Variants in SGCD observed in about 807,000 individuals in gnomAD.
SGCD encodes the protein delta-sarcoglycan.
In SGCD, 18 loss-of-function variants were observed where a neutral mutation model predicts 36.6. The ratio of observed to expected loss-of-function variants is 0.49; its 90% CI spans 0.34 to 0.73. The LOEUF (loss-of-function observed/expected upper bound fraction) is 0.73, where lower values mean the gene tolerates loss of function less well. Among genes scored for constraint, SGCD ranks in the 30% least tolerant of loss-of-function variants. The pLI, the probability that SGCD is intolerant of heterozygous loss-of-function variation, is 0.01. For synonymous variants in SGCD, 133 were observed against 130.6 expected (o/e 1.02, Z -0.12); for missense variants, 387 against 346.7 (o/e 1.12, Z -0.92).
the SGCD span, among the ~76,000 whole-genome samples, chr5:155,767,057 C>G: frequency 6.6e-6 from 1 of 152,202 alleles, no homozygotes; most frequent in Admixed American, 6.5e-5. Flanking sequence ...CCAGGTTACT[C>G]TCCTGACCTT....
chr5:156,621,304 G>GC (rs574627353), intron 6 of SGCD, among the ~76,000 whole-genome samples: 9 of 152,274 alleles, frequency 5.9e-5, no homozygotes, highest in African/African-American at 2.2e-4. Flanking sequence ...TGATTCTCCT[G>GC]CATCAGCCTC....
intron 1 of SGCD, among the ~76,000 whole-genome samples, chr5:156,083,604 T>G (rs1311403728): frequency 6.6e-6 from 1 of 151,888 alleles, no homozygotes; most frequent in Non-Finnish European, 1.5e-5. Context: ...CCATTTTTTT[T>G]TTTTTTTCCT....
At chr5:156,535,154 GTCAGAGAT>G (rs1483674388) in intron 4 of SGCD, among the ~76,000 whole-genome samples, 4 of 152,148 alleles carry the variant, frequency 2.6e-5, no homozygotes, top group Non-Finnish European at 5.9e-5. Flanking sequence ...TGATGGTTTT[GTCAGAGAT>G]TTTTTTTCAG....
chr5:156,326,267 A>G (rs1034005620), upstream of SGCD, among the ~76,000 whole-genome samples: 4 of 152,192 alleles, frequency 2.6e-5, no homozygotes, highest in African/African-American at 9.6e-5. Flanking sequence ...AGCAGAATGT[A>G]CACAGGGCAT....
intron 4 of SGCD, among the ~76,000 whole-genome samples, chr5:156,513,674 G>A (rs1415312190): frequency 6.6e-6 from 1 of 152,208 alleles, no homozygotes; most frequent in East Asian, 1.9e-4. Context: ...TTCACACAGT[G>A]TTCAGCACTG....
chr5:155,807,176 TGAA>T, the SGCD span, among the ~76,000 whole-genome samples: 1 of 152,250 alleles, frequency 6.6e-6, no homozygotes, highest in Non-Finnish European at 1.5e-5. Context: ...CTTCTCTGAC[TGAA>T]TCTGTATCAC....
intron 3 of SGCD, chr5:156,458,643 A>T (rs372033353): frequency 1.3e-5 from 8 of 623,266 alleles, no homozygotes; most frequent in African/African-American, 5.5e-5. Flanking sequence ...ATTCATGCAG[A>T]TATTGTAAGA....
chr5:156,119,030 A>T (rs1335236254), intron 2 of SGCD, among the ~76,000 whole-genome samples: 4 of 152,148 alleles, frequency 2.6e-5, no homozygotes. Flanking sequence ...ACTGAGGCTG[A>T]CCACCTGTGG....
At chr5:156,165,889 A>T (rs1470526417) in intron 3 of SGCD, among the ~76,000 whole-genome samples, 1 of 152,254 alleles carries the variant, frequency 6.6e-6, no homozygotes, top group Non-Finnish European at 1.5e-5. Context: ...GAAGAATTGT[A>T]GACTAGTGTG....
intron 1 of SGCD, among the ~76,000 whole-genome samples, chr5:156,013,206 G>T (rs1194818552): frequency 2.0e-5 from 3 of 151,700 alleles, no homozygotes; most frequent in African/African-American, 7.3e-5. Flanking sequence ...TGTATTTTTA[G>T]TAGAGATGGA....
In SGCD at chr5:156,191,086, C is replaced by A. The variant is rs919015468; in HGVS notation, c.-44+67067C>A. Among the ~76,000 whole-genome samples, 5 of 151,874 alleles carry A rather than the reference C, an allele frequency of 3.3e-5. No individual in the cohort carries two copies. The East Asian group carries it at 9.7e-4, about 29-fold the overall frequency. ...TCAGGCCATTATACTGAAATTTATTCCAGTGTAATAGATGGGAACGAAGTG... is the reference window on the plus strand; with the variant it reads ...TCAGGCCATTATACTGAAATTTATTACAGTGTAATAGATGGGAACGAAGTG... On this transcript the variant is annotated intron_variant, in intron 3 of 9. Transcript: ENST00000517913.
chr5:156,382,571 A>G (rs1771044534), intron 3 of SGCD, among the ~76,000 whole-genome samples: 1 of 152,142 alleles, frequency 6.6e-6, no homozygotes, highest in South Asian at 2.1e-4. Flanking sequence ...GGTTTTCAAG[A>G]GCTATGATGA....
intron 1 of SGCD, among the ~76,000 whole-genome samples, chr5:156,009,311 T>C (rs970211767): frequency 1.3e-5 from 2 of 152,176 alleles, no homozygotes; most frequent in Non-Finnish European, 2.9e-5. Flanking sequence ...TACTTGCCCG[T>C]GTCCCCGCCC....
chr5:156,310,312 C>T (rs1455653116), intron 3 of SGCD, among the ~76,000 whole-genome samples: 3 of 152,200 alleles, frequency 2.0e-5, no homozygotes, highest in African/African-American at 4.8e-5. Context: ...GAGCTTGCAA[C>T]ACTGGAGGGT....
At chr5:156,132,568 A>G (rs551656545) in intron 3 of SGCD, among the ~76,000 whole-genome samples, 1 of 138,254 alleles carries the variant, frequency 7.2e-6, no homozygotes, top group African/African-American at 2.8e-5. Flanking sequence ...TCTTGGGTTC[A>G]TGCCATTCTT....
chr5:156,291,549 G>A (rs570611440), intron 3 of SGCD, among the ~76,000 whole-genome samples: 13 of 152,086 alleles, frequency 8.5e-5, no homozygotes, highest in Middle Eastern at 3.4e-3. Context: ...AATTTATCCC[G>A]TACTTGTCTA....
chr5:156,209,076 T>C (rs1404145743), intron 3 of SGCD, among the ~76,000 whole-genome samples: 3 of 152,250 alleles, frequency 2.0e-5, no homozygotes, highest in Admixed American at 6.5e-5. Flanking sequence ...ACCAGGCTTA[T>C]TGCAGTAAAA....
At chr5:155,775,977 A>G in the SGCD span, among the ~76,000 whole-genome samples, 1 of 152,190 alleles carries the variant, frequency 6.6e-6, no homozygotes, top group Non-Finnish European at 1.5e-5. Flanking sequence ...GTTTCCAGTA[A>G]CAGAAACTGT....
rs1282263089 is a variant in SGCD, at chr5:156,437,875, A to T, written c.193-70726A>T. Among the ~76,000 whole-genome samples, 3 of 152,330 alleles carry T rather than the reference A, an allele frequency of 2.0e-5. No individual in the cohort carries two copies. In the East Asian group the frequency reaches 5.8e-4, roughly 29 times the overall value. ...TTTGGAATTACCTCTGTGATTTATT[A>T]CAAGTGGATATTTGAATGAGCATTT... is the stretch of plus-strand genomic sequence containing the variant. On this transcript the variant is annotated intron_variant, in intron 3 of 8. Transcript: ENST00000337851.
Sources: allele counts gnomAD v4.1 joint callset (sites outside exome capture counted in the v4.1 genomes callset), GRCh38; gene constraint gnomAD v4.1.1; transcripts MANE v1.5; gene names NCBI Gene and HGNC (gene_info 2026-07-23, HGNC 2026-07-21).